The following SAMD4A variants were observed in gnomAD, a reference collection of about 807,000 sequenced individuals.
The protein encoded by SAMD4A is sterile alpha motif domain containing 4A.
In SAMD4A, 33 loss-of-function variants were observed where a neutral mutation model predicts 81.3. The ratio of observed to expected loss-of-function variants is 0.41; its 90% CI spans 0.31 to 0.54. The LOEUF is 0.54. Among genes scored for constraint, SAMD4A ranks in the 20% least tolerant of loss-of-function variants. The pLI is 0.37. For synonymous variants in SAMD4A, 389 were observed against 382.1 expected (o/e 1.02, Z -0.21); for missense variants, 854 against 951.1 (o/e 0.90, Z 1.34).
chr14:54,734,293 C>T (rs989288072), intron 3 of SAMD4A, among the ~76,000 whole-genome samples: 1 of 152,236 alleles, frequency 6.6e-6, no homozygotes, highest in Non-Finnish European at 1.5e-5. Context: ...ACCCACGGCC[C>T]TGTCTGCAAA....
chr14:54,630,454 T>C (rs1017175605), intron 2 of SAMD4A, among the ~76,000 whole-genome samples: 4 of 152,246 alleles, frequency 2.6e-5, no homozygotes, highest in African/African-American at 9.6e-5. Context: ...CATCGTCCCA[T>C]GTGCTTATTA....
chr14:54,569,477 A>G (rs1318676145), intron 2 of SAMD4A, among the ~76,000 whole-genome samples: 1 of 152,118 alleles, frequency 6.6e-6, no homozygotes. Flanking sequence ...ATTGAGGGAG[A>G]TTCCATTGAG....
chr14:54,693,010 T>G (rs1254750443), intron 2 of SAMD4A: 2 of 152,054 alleles, frequency 1.3e-5, no homozygotes, highest in African/African-American at 4.8e-5. Context: ...TCTCAAATCC[T>G]TTTCACGAAG....
intron 2 of SAMD4A, among the ~76,000 whole-genome samples, chr14:54,675,572 C>T (rs1365025129): frequency 1.3e-5 from 2 of 152,122 alleles, no homozygotes; most frequent in Admixed American, 1.3e-4. Context: ...AAAGTCTTTA[C>T]TTTGTTACTA....
At position 54,762,121 on chromosome 14, in the gene SAMD4A, G is replaced by A. The variant is rs112333761; in HGVS notation, c.1510+1627G>A. On this transcript the variant is annotated intron_variant, in intron 7 of 12. Transcript: ENST00000554335. ...TCGGGGAGGGTAGACTCCACAGCGT[G>A]GTCCTTTGGGTAAGAGCGCCCCTTT... Among the ~76,000 whole-genome samples the A allele has an allele frequency of 2.6e-3, 401 of 152,274 alleles. 1 individual carries two copies. Among genetic ancestry groups the A allele is most frequent in the African/African-American group, 9.4e-3 (389 of 41,540 alleles).
chr14:54,654,231 G>A (rs1174400710), intron 2 of SAMD4A, among the ~76,000 whole-genome samples: 1 of 152,164 alleles, frequency 6.6e-6, no homozygotes, highest in Non-Finnish European at 1.5e-5. Flanking sequence ...CACATTTAAA[G>A]CTGTGTCCTG....
intron 2 of SAMD4A, among the ~76,000 whole-genome samples, chr14:54,618,242 C>G (rs1445729900): frequency 6.6e-6 from 1 of 152,188 alleles, no homozygotes; most frequent in Admixed American, 6.5e-5. Context: ...GTGAGCTGAT[C>G]ATGCACAGCT....
chr14:54,737,541 T>TC (rs2037728547), intron 4 of SAMD4A, among the ~76,000 whole-genome samples: 5 of 133,840 alleles, frequency 3.7e-5, no homozygotes, highest in African/African-American at 1.5e-4. Flanking sequence ...TCTCTCTCTC[T>TC]CTTTTTTTTT....
At chr14:54,767,032 G>A (rs536843517) in intron 8 of SAMD4A, among the ~76,000 whole-genome samples, 2 of 152,358 alleles carry the variant, frequency 1.3e-5, no homozygotes, top group African/African-American at 4.8e-5. Context: ...CGGTCAGGAA[G>A]GAGCTGGTGA....
intron 2 of SAMD4A, 32 bp from the exon 3 acceptor site, chr14:54,702,030 T>G: frequency 6.2e-7 from 1 of 1,605,364 alleles, no homozygotes; most frequent in Non-Finnish European, 8.5e-7. Flanking sequence ...TGGGTGTATT[T>G]GCTTATTTGC....
At chr14:54,729,760 G>C (rs527784347) in intron 3 of SAMD4A, among the ~76,000 whole-genome samples, 34 of 152,294 alleles carry the variant, frequency 2.2e-4, no homozygotes, top group Admixed American at 2.1e-3. Flanking sequence ...GTGGAAAATT[G>C]CTTTCATAGT....
At chr14:54,768,048 A>G (rs2038598750) in intron 8 of SAMD4A, among the ~76,000 whole-genome samples, 1 of 152,212 alleles carries the variant, frequency 6.6e-6, no homozygotes, top group Non-Finnish European at 1.5e-5. Context: ...GTCTGTAATG[A>G]TGTCTTAGGA....
intron 2 of SAMD4A, among the ~76,000 whole-genome samples, chr14:54,699,036 GA>G (rs1182903857): frequency 1.3e-5 from 2 of 151,704 alleles, no homozygotes; most frequent in Admixed American, 1.3e-4. Context: ...TTTTTTATTA[GA>G]AGTCATTCCT....
chr14:54,669,045 C>T (rs2035815796), intron 2 of SAMD4A, among the ~76,000 whole-genome samples: 1 of 152,246 alleles, frequency 6.6e-6, no homozygotes, highest in Admixed American at 6.5e-5. Context: ...CATGCTTTAT[C>T]TTCCTTTAAT....
chr14:54,675,507 G>A (rs1338794289), intron 2 of SAMD4A, among the ~76,000 whole-genome samples: 1 of 152,074 alleles, frequency 6.6e-6, no homozygotes, highest in Admixed American at 6.6e-5. Context: ...CTTTAGGTCT[G>A]ACTAAGCAAT....
At chr14:54,723,833 G>A (rs991361259) in intron 3 of SAMD4A, among the ~76,000 whole-genome samples, 1 of 152,190 alleles carries the variant, frequency 6.6e-6, no homozygotes, top group African/African-American at 2.4e-5. Context: ...CATTACATGA[G>A]TGAATAAATG....
At chr14:54,640,701 C>T (rs2035154253) in intron 2 of SAMD4A, among the ~76,000 whole-genome samples, 2 of 152,090 alleles carry the variant, frequency 1.3e-5, no homozygotes, top group South Asian at 4.2e-4. Flanking sequence ...CATCAGCATG[C>T]CCTCACCCCA....
chr14:54,629,833 C>A (rs1566556683), intron 2 of SAMD4A, among the ~76,000 whole-genome samples: 1 of 152,090 alleles, frequency 6.6e-6, no homozygotes, highest in African/African-American at 2.4e-5. Context: ...TAAACAATCA[C>A]GCCCCATTAC....
intron 6 of SAMD4A, among the ~76,000 whole-genome samples, chr14:54,757,192 C>A (rs998626486): frequency 4.6e-5 from 7 of 152,128 alleles, no homozygotes; most frequent in Non-Finnish European, 8.8e-5. Flanking sequence ...AGGAACATGA[C>A]CTGATGATCA....
Sources: gnomAD v4.1 joint callset for allele counts (sites outside exome capture counted in the v4.1 genomes callset) on GRCh38, gnomAD v4.1.1 for gene constraint, MANE v1.5 for transcripts, NCBI Gene and HGNC (gene_info 2026-07-23, HGNC 2026-07-21) for gene names.